Variants in KCNH7 observed in about 807,000 individuals in gnomAD.
KCNH7 encodes the protein potassium voltage-gated channel subfamily H member 7.
A neutral mutation model predicts 120.8 loss-of-function variants in KCNH7; 49 were observed. That is an observed-to-expected ratio of 0.41 (90% CI 0.32 to 0.51). KCNH7 has a LOEUF of 0.51. Among genes scored for constraint, KCNH7 ranks in the 20% least tolerant of loss-of-function variants. The pLI is 0.38. For synonymous variants in KCNH7, 547 were observed against 516.1 expected, an observed-to-expected ratio of 1.06 and a Z score of -0.81; for missense variants, 1,097 against 1,446.6, an observed-to-expected ratio of 0.76 and a Z score of 3.92.
At chr2:162,767,856 C>T (rs1254365698) in intron 2 of KCNH7, among the ~76,000 whole-genome samples, 1 of 152,036 alleles carries the variant, frequency 6.6e-6, no homozygotes, top group Non-Finnish European at 1.5e-5. Flanking sequence ...ACAAATTTTA[C>T]CAGGGTTAGC....
At chr2:162,618,954 T>C (rs1440582239) in intron 2 of KCNH7, among the ~76,000 whole-genome samples, 1 of 152,154 alleles carries the variant, frequency 6.6e-6, no homozygotes, top group East Asian at 1.9e-4. Flanking sequence ...TTTTAGCAAA[T>C]ACTTGTTAAA....
intron 3 of KCNH7, among the ~76,000 whole-genome samples, chr2:162,533,600 TA>T (rs934814539): frequency 6.6e-6 from 1 of 151,750 alleles, no homozygotes; most frequent in African/African-American, 2.4e-5. Context: ...AATGCTAATT[TA>T]TACTAATAAC....
intron 5 of KCNH7, among the ~76,000 whole-genome samples, chr2:162,510,985 T>C (rs969993498): frequency 2.0e-5 from 3 of 151,756 alleles, no homozygotes; most frequent in African/African-American, 7.2e-5. Context: ...TGTGAAAACT[T>C]TGTGCAATGG....
intron 3 of KCNH7, among the ~76,000 whole-genome samples, chr2:162,523,174 A>G (rs927927228): frequency 6.6e-6 from 1 of 151,884 alleles, no homozygotes; most frequent in Non-Finnish European, 1.5e-5. Flanking sequence ...TTCTTGGGTC[A>G]TAAATATCTA....
chr2:162,781,685 A>C (rs1216155154), intron 2 of KCNH7, among the ~76,000 whole-genome samples: 1 of 152,134 alleles, frequency 6.6e-6, no homozygotes, highest in Non-Finnish European at 1.5e-5. Context: ...CTACATATTG[A>C]CATGTAAGAA....
intron 2 of KCNH7, among the ~76,000 whole-genome samples, chr2:162,751,738 C>G (rs754131264): frequency 9.3e-5 from 14 of 151,284 alleles, no homozygotes; most frequent in Non-Finnish European, 1.8e-4. Flanking sequence ...TTAATATTTA[C>G]AATCATGTAT....
intron 6 of KCNH7, among the ~76,000 whole-genome samples, chr2:162,488,837 C>T (rs12464396): frequency 0.018 from 2,740 of 152,272 alleles, 206 homozygotes; most frequent in Admixed American, 0.15. Flanking sequence ...GGCTCCGACA[C>T]CTTGCCCGGC....
At position 162,379,878 on chromosome 2, in the gene KCNH7, C is replaced by G. The variant is rs1686348906; in HGVS notation, c.3106G>C (p.Asp1036His). The G allele has an allele frequency of 1.2e-6, 2 of 1,613,984 alleles. No homozygotes were observed. The highest frequency in any genetic ancestry group is 1.7e-6 in the Non-Finnish European group (2 of 1,179,916). ...LTYGEVEQRLDLLQEQLNRLE... is the reference protein window; with the variant it reads ...LTYGEVEQRLHLLQEQLNRLE... Reference sequence around the variant, plus strand: ...CTGTTAAGTTGCTCCTGGAGCAGATCTAATCTTTGTTCCACTTCCCCGTAG... The same window carrying G: ...CTGTTAAGTTGCTCCTGGAGCAGATGTAATCTTTGTTCCACTTCCCCGTAG... The change falls in exon 14 of 16, where the codon GAT becomes CAT. Residue 1036 changes from aspartate to histidine, a missense_variant. Physicochemically the swap from Asp to His is moderately conservative, Grantham distance 81. Around this residue, in one of 8 missense-constraint regions of KCNH7, gnomAD observed 406 missense variants for 410.5 expected, o/e 0.99. Coordinates refer to ENST00000332142, the MANE Select transcript of KCNH7 (RefSeq NM_033272.4).
chr2:162,497,473 AAG>A (rs1318971072), intron 6 of KCNH7, among the ~76,000 whole-genome samples: 1 of 152,132 alleles, frequency 6.6e-6, no homozygotes, highest in East Asian at 1.9e-4. Flanking sequence ...AGGCTTTTTG[AAG>A]AGTTAACTAA....
At chr2:162,757,070 T>A (rs1338887666) in intron 2 of KCNH7, among the ~76,000 whole-genome samples, 3 of 152,152 alleles carry the variant, frequency 2.0e-5, no homozygotes, top group Admixed American at 1.3e-4. Flanking sequence ...GGAAAAAGAA[T>A]CTCTTGGTTT....
At chr2:162,554,052 A>G (rs1692776195) in intron 2 of KCNH7, among the ~76,000 whole-genome samples, 1 of 152,152 alleles carries the variant, frequency 6.6e-6, no homozygotes, top group African/African-American at 2.4e-5. Context: ...TGCTCATGCA[A>G]CAGTAGCATG....
intron 2 of KCNH7, among the ~76,000 whole-genome samples, chr2:162,759,976 AGAGT>A (rs72032099): frequency 0.038 from 5,817 of 152,190 alleles, 373 homozygotes; most frequent in African/African-American, 0.13. Context: ...AACTTTGCAT[AGAGT>A]GTGTACTGAA....
At position 162,813,115 on chromosome 2, in the gene KCNH7, A is replaced by G. The variant is rs146998642; in HGVS notation, c.307+23422T>C. 8.2e-4 allele frequency among the ~76,000 whole-genome samples: 125 copies of G among 152,326 alleles called. 1 individual carries two copies. Among genetic ancestry groups the G allele is most frequent in the Non-Finnish European group, 1.5e-3 (104 of 68,014 alleles). On this transcript the variant is annotated intron_variant, in intron 2 of 15. Coordinates refer to ENST00000332142, the MANE Select transcript of KCNH7 (RefSeq NM_033272.4). ...GAAATATATTTGCATGTTCAAAGTCAGATAGAACAAAGACTAGGGAGACAG... is the reference window on the plus strand; with the variant it reads ...GAAATATATTTGCATGTTCAAAGTCGGATAGAACAAAGACTAGGGAGACAG...
chr2:162,438,073 C>T (rs1237443247), intron 7 of KCNH7, among the ~76,000 whole-genome samples: 1 of 152,018 alleles, frequency 6.6e-6, no homozygotes, highest in Admixed American at 6.6e-5. Context: ...TTAAAATTTT[C>T]TTGTTTTTGG....
chr2:162,703,426 T>C (rs1686584455), intron 2 of KCNH7, among the ~76,000 whole-genome samples: 1 of 152,122 alleles, frequency 6.6e-6, no homozygotes, highest in Non-Finnish European at 1.5e-5. Context: ...CTCAAAGGGA[T>C]AGAGTCCATG....
intron 6 of KCNH7, among the ~76,000 whole-genome samples, chr2:162,455,571 C>G (rs748448140): frequency 6.6e-6 from 1 of 151,918 alleles, no homozygotes; most frequent in Non-Finnish European, 1.5e-5. Flanking sequence ...TGGTCCTGGG[C>G]TTTTTTTGGT....
At chr2:162,655,687 G>A (rs1460016197) in intron 2 of KCNH7, among the ~76,000 whole-genome samples, 3 of 152,086 alleles carry the variant, frequency 2.0e-5, no homozygotes, top group Non-Finnish European at 2.9e-5. Context: ...CAGCTACTTC[G>A]GAGGCTGAGG....
chr2:162,811,081 T>C (rs1272156533), intron 2 of KCNH7, among the ~76,000 whole-genome samples: 1 of 152,156 alleles, frequency 6.6e-6, no homozygotes, highest in Non-Finnish European at 1.5e-5. Flanking sequence ...GAATGGCTTT[T>C]CTACAAAGTA....
At chr2:162,784,216 G>T (rs1371809659) in intron 2 of KCNH7, among the ~76,000 whole-genome samples, 1 of 152,048 alleles carries the variant, frequency 6.6e-6, no homozygotes, top group Non-Finnish European at 1.5e-5. Context: ...AATCAGCAAT[G>T]ATTTATTGAG....
Sources: allele counts gnomAD v4.1 joint callset (sites outside exome capture counted in the v4.1 genomes callset), GRCh38; gene constraint gnomAD v4.1.1; regional missense constraint gnomAD v4.1.1; transcripts MANE v1.5; gene names NCBI Gene and HGNC (gene_info 2026-07-23, HGNC 2026-07-21).